Variants in UBE2E2 observed in about 807,000 individuals in gnomAD.
The protein encoded by UBE2E2 is ubiquitin conjugating enzyme E2 E2, also known as ubiquitin-conjugating enzyme E2 E2.
A neutral mutation model predicts 24.7 loss-of-function variants in UBE2E2; 6 were observed. The ratio of observed to expected loss-of-function variants is 0.24; its 90% CI spans 0.13 to 0.48. The LOEUF (loss-of-function observed/expected upper bound fraction) is 0.48. UBE2E2 is among the 20% of genes least tolerant of loss of function. The pLI is 0.99. For missense variants in UBE2E2, 169 were observed against 245.0 expected (o/e 0.69, Z 2.07); for synonymous variants, 104 against 83.6 (o/e 1.24, Z -1.33).
intron 4 of UBE2E2, among the ~76,000 whole-genome samples, chr3:23,504,800 T>A (rs1694397019): frequency 6.6e-6 from 1 of 152,146 alleles, no homozygotes; most frequent in Non-Finnish European, 1.5e-5. Context: ...CAAGGATGCT[T>A]GAAGAATTCA....
chr3:23,578,810 C>T (rs771769011), intron 5 of UBE2E2, among the ~76,000 whole-genome samples: 1 of 152,230 alleles, frequency 6.6e-6, no homozygotes, highest in Non-Finnish European at 1.5e-5. Context: ...GGAAGAATAA[C>T]TAATGGATGC....
chr3:23,572,146 A>G (rs1259984160), intron 5 of UBE2E2, among the ~76,000 whole-genome samples: 2 of 152,164 alleles, frequency 1.3e-5, no homozygotes, highest in African/African-American at 2.4e-5. Context: ...GATAATGTCC[A>G]TTATTTGATT....
intron 3 of UBE2E2, among the ~76,000 whole-genome samples, chr3:23,340,457 T>C (rs559999484): frequency 6.6e-6 from 1 of 152,246 alleles, no homozygotes; most frequent in Non-Finnish European, 1.5e-5. Context: ...TAAAAATAAT[T>C]ACAGGTTGCC....
chr3:23,470,690 A>G (rs1269128732), intron 3 of UBE2E2, among the ~76,000 whole-genome samples: 2 of 152,248 alleles, frequency 1.3e-5, no homozygotes, highest in African/African-American at 4.8e-5. Flanking sequence ...TTCTGGCAGC[A>G]GATAGTAAAT....
intron 3 of UBE2E2, among the ~76,000 whole-genome samples, chr3:23,390,179 A>AC (rs1696900642): frequency 6.6e-6 from 1 of 151,940 alleles, no homozygotes; most frequent in African/African-American, 2.4e-5. Context: ...CAAAGGCCCC[A>AC]CCCCTAAGCC....
intron 5 of UBE2E2, among the ~76,000 whole-genome samples, chr3:23,551,007 C>G (rs923670791): frequency 3.3e-5 from 5 of 152,196 alleles, no homozygotes; most frequent in African/African-American, 9.6e-5. Flanking sequence ...TACATTGCAT[C>G]TGCTCTAACA....
intron 3 of UBE2E2, among the ~76,000 whole-genome samples, chr3:23,353,615 A>T (rs1433454769): frequency 6.6e-6 from 1 of 152,212 alleles, no homozygotes; most frequent in African/African-American, 2.4e-5. Flanking sequence ...GAGCCAAATC[A>T]TGAGTGAACT....
chr3:23,225,601 A>T (rs1293300076), intron 3 of UBE2E2, among the ~76,000 whole-genome samples: 1 of 152,208 alleles, frequency 6.6e-6, no homozygotes, highest in Non-Finnish European at 1.5e-5. Context: ...AAATCAGTGG[A>T]TCATAAATGT....
At chr3:23,293,371 A>G (rs1483729298) in intron 3 of UBE2E2, among the ~76,000 whole-genome samples, 1 of 152,232 alleles carries the variant, frequency 6.6e-6, no homozygotes, top group Non-Finnish European at 1.5e-5. Flanking sequence ...AAAGCCACTA[A>G]CATGAAGGAG....
At chr3:23,257,753 C>T (rs182884884) in intron 3 of UBE2E2, among the ~76,000 whole-genome samples, 26 of 151,870 alleles carry the variant, frequency 1.7e-4, no homozygotes, top group African/African-American at 5.6e-4. Context: ...TTATCTCTCT[C>T]TCTCTTAATT....
At chr3:23,242,261 G>A (rs1697279394) in intron 3 of UBE2E2, among the ~76,000 whole-genome samples, 2 of 151,902 alleles carry the variant, frequency 1.3e-5, no homozygotes, top group Admixed American at 1.3e-4. Context: ...GTTGTTTTTA[G>A]TATGATTGAA....
intron 3 of UBE2E2, among the ~76,000 whole-genome samples, chr3:23,462,309 A>G (rs1249415527): frequency 1.3e-5 from 2 of 152,196 alleles, no homozygotes; most frequent in Non-Finnish European, 2.9e-5. Context: ...AGTATTTTCA[A>G]GCTACCAAGA....
chr3:23,453,850 T>C (rs1184399243), intron 3 of UBE2E2, among the ~76,000 whole-genome samples: 1 of 152,216 alleles, frequency 6.6e-6, no homozygotes, highest in Admixed American at 6.5e-5. Flanking sequence ...TACAAATATC[T>C]TGATAGGGGA....
chr3:23,329,801 A>T (rs1233007962), intron 3 of UBE2E2, among the ~76,000 whole-genome samples: 1 of 152,214 alleles, frequency 6.6e-6, no homozygotes, highest in African/African-American at 2.4e-5. Context: ...TTCCCAGGAA[A>T]TCCCCACCAT....
chr3:23,267,056 T>C (rs1180513080), intron 3 of UBE2E2, among the ~76,000 whole-genome samples: 2 of 150,098 alleles, frequency 1.3e-5, no homozygotes, highest in African/African-American at 2.5e-5. Flanking sequence ...TTCAAAGCAG[T>C]GTGTAGAGGG....
At chr3:23,511,608 T>A (rs1333710010) in intron 4 of UBE2E2, among the ~76,000 whole-genome samples, 1 of 152,156 alleles carries the variant, frequency 6.6e-6, no homozygotes, top group East Asian at 1.9e-4. Flanking sequence ...TGGGCAATTT[T>A]CAACCCAAAC....
intron 3 of UBE2E2, among the ~76,000 whole-genome samples, chr3:23,348,774 A>G (rs894628419): frequency 1.1e-4 from 17 of 152,146 alleles, no homozygotes; most frequent in African/African-American, 3.6e-4. Flanking sequence ...AGTAATCCCT[A>G]AAACTGCAGG....
intron 5 of UBE2E2, among the ~76,000 whole-genome samples, chr3:23,554,483 G>A (rs1695725921): frequency 6.6e-6 from 1 of 152,074 alleles, no homozygotes; most frequent in African/African-American, 2.4e-5. Context: ...CTGCATTCCA[G>A]ACTGGGTGAC....
chr3:23,561,699 C>G (rs900501657), intron 5 of UBE2E2, among the ~76,000 whole-genome samples: 1 of 151,980 alleles, frequency 6.6e-6, no homozygotes, highest in African/African-American at 2.4e-5. Flanking sequence ...TCTTCCTACC[C>G]ATGAGCATGG....
Sources: gnomAD v4.1 joint callset for allele counts (sites outside exome capture counted in the v4.1 genomes callset) on GRCh38, gnomAD v4.1.1 for gene constraint, MANE v1.5 for transcripts, NCBI Gene and HGNC (gene_info 2026-07-23, HGNC 2026-07-21) for gene names.